Variants in NAV3 observed in about 807,000 individuals in gnomAD.
NAV3 encodes neuron navigator 3.
A neutral mutation model predicts 244.7 loss-of-function variants in NAV3; 87 were observed. The ratio of observed to expected loss-of-function variants is 0.36; its 90% CI spans 0.30 to 0.42. NAV3 has a LOEUF of 0.42. Ranked by LOEUF, NAV3 falls within the 20% of genes least tolerant of loss-of-function variation. The pLI is 1.00. For missense variants in NAV3, 2,663 were observed against 2,893.3 expected, an observed-to-expected ratio of 0.92 and a Z score of 1.83; for synonymous variants, 1,126 against 1,042.2, an observed-to-expected ratio of 1.08 and a Z score of -1.55.
intron 5 of NAV3, among the ~76,000 whole-genome samples, chr12:77,985,900 T>A (rs1243449179): frequency 1.3e-5 from 2 of 152,190 alleles, no homozygotes; most frequent in Non-Finnish European, 2.9e-5. Flanking sequence ...CATTTCTTCC[T>A]CACTCTTACA....
At chr12:77,992,645 A>T (rs936955684) in intron 5 of NAV3, among the ~76,000 whole-genome samples, 5 of 152,236 alleles carry the variant, frequency 3.3e-5, no homozygotes, top group African/African-American at 1.2e-4. Flanking sequence ...GGAGTAGAAT[A>T]TTAGTTTAAA....
intron 1 of NAV3, among the ~76,000 whole-genome samples, chr12:77,893,093 C>G (rs114431975): frequency 0.023 from 3,438 of 152,138 alleles, 117 homozygotes; most frequent in African/African-American, 0.077. Context: ...AGAATTTCCT[C>G]TATCTCTAAT....
In NAV3 at chr12:78,007,368, A is replaced by T; in HGVS notation, c.1830A>T (p.Gly610=). ...CACAAAGCAGTGGGCAGAGCACAGG[A>T]AATGGTGCTGTCCAACTCCCTCAAC... ...TVAQSSGQST[G]NGAVQLPQQQ... The change falls in exon 8 of 40, where the codon GGA becomes GGT. Residue 610 remains glycine (G), a synonymous_variant. Coordinates refer to ENST00000397909, the MANE Select transcript of NAV3 (RefSeq NM_001024383.2). The T allele has an allele frequency of 1.2e-6, 2 of 1,614,128 alleles. No homozygotes were observed. The highest frequency in any genetic ancestry group is 1.7e-6 in the Non-Finnish European group (2 of 1,179,990).
intron 2 of NAV3, among the ~76,000 whole-genome samples, chr12:77,651,065 G>A (rs1330438859): frequency 2.0e-5 from 3 of 151,942 alleles, no homozygotes; most frequent in African/African-American, 4.8e-5. Flanking sequence ...ACTCATCAAA[G>A]TACAACTATA....
At chr12:77,997,919 A>C (rs548230880) in intron 6 of NAV3, among the ~76,000 whole-genome samples, 62 of 152,338 alleles carry the variant, frequency 4.1e-4, no homozygotes, top group African/African-American at 1.4e-3. Flanking sequence ...TACAATAAAA[A>C]CAAATGCCTT....
intron 1 of NAV3, among the ~76,000 whole-genome samples, chr12:77,857,349 GT>G (rs1455870588): frequency 1.3e-5 from 2 of 151,766 alleles, no homozygotes; most frequent in African/African-American, 4.8e-5. Flanking sequence ...CAAGATTTTG[GT>G]TTTAATTTTT....
intron 1 of NAV3, among the ~76,000 whole-genome samples, chr12:77,905,272 G>A (rs927873318): frequency 6.6e-6 from 1 of 152,144 alleles, no homozygotes; most frequent in South Asian, 2.1e-4. Flanking sequence ...TTTATTACTA[G>A]CAGTATTTAA....
intron 2 of NAV3, among the ~76,000 whole-genome samples, chr12:77,743,444 T>C (rs958007808): frequency 1.1e-4 from 16 of 151,850 alleles, no homozygotes; most frequent in Non-Finnish European, 1.9e-4. Flanking sequence ...AATTTACTCC[T>C]TGGTATTCAC....
intron 2 of NAV3, among the ~76,000 whole-genome samples, chr12:77,754,143 A>G (rs79969058): frequency 0.019 from 2,861 of 152,252 alleles, 44 homozygotes; most frequent in Non-Finnish European, 0.027. Flanking sequence ...TCATAATTTC[A>G]TATAATAATG....
At chr12:77,888,813 CAG>C (rs1490189895) in intron 1 of NAV3, among the ~76,000 whole-genome samples, 1 of 152,096 alleles carries the variant, frequency 6.6e-6, no homozygotes, top group Non-Finnish European at 1.5e-5. Context: ...TTTGTTTTCT[CAG>C]AGAGGTGAGT....
intron 22 of NAV3, among the ~76,000 whole-genome samples, chr12:78,150,439 G>C (rs899202670): frequency 6.6e-6 from 1 of 151,904 alleles, no homozygotes; most frequent in South Asian, 2.1e-4. Flanking sequence ...CATTTGAAAT[G>C]TAATGATGCT....
At chr12:78,122,883 G>T (rs1174181331) in intron 16 of NAV3, among the ~76,000 whole-genome samples, 5 of 146,546 alleles carry the variant, frequency 3.4e-5, no homozygotes, top group Non-Finnish European at 7.4e-5. Context: ...CAGATGGATT[G>T]CTGGGAAATC....
intron 1 of NAV3, among the ~76,000 whole-genome samples, chr12:77,922,919 A>G (rs1227267775): frequency 3.3e-5 from 5 of 152,092 alleles, no homozygotes; most frequent in African/African-American, 9.7e-5. Context: ...TGTAAATACT[A>G]TTACACCCTG....
At chr12:77,622,579 A>G (rs1871427625) in intron 2 of NAV3, among the ~76,000 whole-genome samples, 1 of 143,968 alleles carries the variant, frequency 6.9e-6, no homozygotes, top group Non-Finnish European at 1.5e-5. Flanking sequence ...TTGAAAGAGA[A>G]TGATTATGTA....
intron 38 of NAV3, among the ~76,000 whole-genome samples, chr12:78,201,066 C>T (rs1261273902): frequency 4.1e-5 from 3 of 72,912 alleles, no homozygotes; most frequent in Admixed American, 2.2e-4. Context: ...TTTGTTTCTT[C>T]TCCTTCTTTT....
chr12:77,919,494 G>A (rs1014712040), intron 1 of NAV3, among the ~76,000 whole-genome samples: 1 of 151,998 alleles, frequency 6.6e-6, no homozygotes, highest in Non-Finnish European at 1.5e-5. Flanking sequence ...GGGCTAGAAA[G>A]GAAGATACCA....
intron 12 of NAV3, among the ~76,000 whole-genome samples, chr12:78,068,453 T>G (rs1952590682): frequency 6.6e-6 from 1 of 150,980 alleles, no homozygotes; most frequent in African/African-American, 2.4e-5. Flanking sequence ...TAATTCAATG[T>G]ATAATGGTAT....
At chr12:78,008,313 C>T (rs1874605140) in intron 8 of NAV3, among the ~76,000 whole-genome samples, 1 of 151,630 alleles carries the variant, frequency 6.6e-6, no homozygotes, top group African/African-American at 2.4e-5. Flanking sequence ...TTTTTAAATG[C>T]ATTATTATGC....
In NAV3 at chr12:77,966,388, A is replaced by G. The variant is rs1892516215; in HGVS notation, c.487+87A>G. Reference sequence around the variant, plus strand: ...AATGTAAGAAATGTAACATTGGAGTATACGTCTCCTTAATATGATAAAGGA... The same window carrying G: ...AATGTAAGAAATGTAACATTGGAGTGTACGTCTCCTTAATATGATAAAGGA... On this transcript the variant is annotated intron_variant, in intron 4 of 39. Coordinates refer to ENST00000397909, the MANE Select transcript of NAV3 (RefSeq NM_001024383.2). 2.7e-6 allele frequency: 3 copies of G among 1,097,946 alleles called. No homozygotes were observed. The Admixed American group carries it at 7.0e-5, about 26-fold the overall frequency. The allele number at this position is 1,097,946 out of a possible 1,614,324, so 68.0% of individuals were successfully genotyped here. A position where few individuals can be genotyped will look rare whatever the true frequency, so the allele number is the denominator to read the frequency against.
Sources: allele counts gnomAD v4.1 joint callset (sites outside exome capture counted in the v4.1 genomes callset), GRCh38; gene constraint gnomAD v4.1.1; transcripts MANE v1.5; gene names NCBI Gene and HGNC (gene_info 2026-07-23, HGNC 2026-07-21).